COL21A1: variants seen among roughly 807,000 people sequenced by gnomAD.
COL21A1 encodes collagen type XXI alpha 1 chain.
A neutral mutation model predicts 137.9 loss-of-function variants in COL21A1; 149 were observed. The observed-to-expected ratio is 1.08, with a 90% CI of 0.95 to 1.24. The LOEUF (loss-of-function observed/expected upper bound fraction) is 1.24. Among genes scored for constraint, COL21A1 ranks in the 50% most tolerant of loss-of-function variants. The pLI, the probability that COL21A1 is intolerant of heterozygous loss-of-function variation, is 0.00. For synonymous variants in COL21A1, 456 were observed against 391.5 expected, an observed-to-expected ratio of 1.16 and a Z score of -1.95; for missense variants, 1,167 against 1,158.4, an observed-to-expected ratio of 1.01 and a Z score of -0.11.
At chr6:56,218,709 G>T (rs181634991) in intron 1 of COL21A1, among the ~76,000 whole-genome samples, 4 of 151,954 alleles carry the variant, frequency 2.6e-5, no homozygotes, top group Non-Finnish European at 5.9e-5. Context: ...TTTCTTATTC[G>T]AGTTGAAAAT....
intron 19 of COL21A1, 96 bp downstream of exon 19, chr6:56,075,383 C>T: frequency 1.2e-6 from 1 of 868,254 alleles, no homozygotes; most frequent in Non-Finnish European, 1.8e-6. Context: ...ATTGCTGTAT[C>T]CCCTACATTT....
intron 17 of COL21A1, among the ~76,000 whole-genome samples, chr6:56,080,917 G>A (rs975096357): frequency 1.1e-4 from 16 of 151,784 alleles, no homozygotes; most frequent in African/African-American, 3.4e-4. Context: ...AGAAGCCATA[G>A]GAAGCAGCTA....
At position 56,199,298 on chromosome 6, in the gene COL21A1, T is replaced by A. The variant is rs1390868361; in HGVS notation, c.-38-16642A>T. On this transcript the variant is annotated intron_variant, in intron 1 of 29. Transcript: ENST00000244728. ...TTCTCAAATATGGAATTCTGTTTTT[T>A]TTTTAATCAACCTTTTAATGGTACA... 2.6e-5 allele frequency among the ~76,000 whole-genome samples: 4 copies of A among 152,028 alleles called. No homozygotes were observed. The South Asian group carries it at 8.3e-4, about 32-fold the overall frequency.
At chr6:56,079,572 T>G (rs939130421) in intron 17 of COL21A1, among the ~76,000 whole-genome samples, 4 of 151,504 alleles carry the variant, frequency 2.6e-5, no homozygotes, top group Non-Finnish European at 4.4e-5. Context: ...TCCCCACAGT[T>G]TACTCCTTGG....
At chr6:56,096,454 A>T (rs1481838171) in intron 17 of COL21A1, among the ~76,000 whole-genome samples, 1 of 152,228 alleles carries the variant, frequency 6.6e-6, no homozygotes, top group Non-Finnish European at 1.5e-5. Flanking sequence ...TAATAAATCT[A>T]TCTGGTGTTA....
intron 1 of COL21A1, among the ~76,000 whole-genome samples, chr6:56,299,319 A>G (rs906190719): frequency 2.6e-5 from 4 of 152,150 alleles, no homozygotes; most frequent in Non-Finnish European, 5.9e-5. Flanking sequence ...GCCAAATTGG[A>G]TTTGAAAAAT....
intron 17 of COL21A1, chr6:56,091,569 G>A (rs569574249): frequency 1.3e-5 from 2 of 152,664 alleles, no homozygotes; most frequent in African/African-American, 4.8e-5. Context: ...GCTCACAGTA[G>A]AACCCAGTCC....
intron 1 of COL21A1, among the ~76,000 whole-genome samples, chr6:56,232,308 A>C (rs892567520): frequency 6.6e-6 from 1 of 151,944 alleles, no homozygotes; most frequent in Non-Finnish European, 1.5e-5. Flanking sequence ...CTTAGAAAAC[A>C]AGAACAATAT....
intron 17 of COL21A1, among the ~76,000 whole-genome samples, chr6:56,079,658 T>A (rs1324083756): frequency 6.6e-6 from 1 of 151,542 alleles, no homozygotes; most frequent in Non-Finnish European, 1.5e-5. Context: ...CCACAAATCT[T>A]ACATTATTTC....
At position 56,304,756 on chromosome 6, in the gene COL21A1, G is replaced by A. The variant is rs371449887; in HGVS notation, c.-39+89215C>T. 9.6e-4 allele frequency among the ~76,000 whole-genome samples: 146 copies of A among 151,998 alleles called. 5 individuals carry two copies. The highest frequency in any genetic ancestry group is 4.4e-4 in the Non-Finnish European group (30 of 67,960). On this transcript the variant is annotated intron_variant, in intron 1 of 28. Coordinates refer to the COL21A1 transcript ENST00000370819. Reference sequence around the variant, plus strand: ...CTTCAGTTCTGCTCTGATCTTAGTTGTTTCTTGCCTTCTGCTAGCTTTTGA... The same window carrying A: ...CTTCAGTTCTGCTCTGATCTTAGTTATTTCTTGCCTTCTGCTAGCTTTTGA...
chr6:56,354,639 T>C (rs1454609755), intron 1 of COL21A1, among the ~76,000 whole-genome samples: 1 of 152,156 alleles, frequency 6.6e-6, no homozygotes, highest in African/African-American at 2.4e-5. Context: ...CCCAGCACTT[T>C]GGAAGGCCAA....
chr6:56,085,014 G>A (rs1317193555), intron 17 of COL21A1, among the ~76,000 whole-genome samples: 1 of 152,038 alleles, frequency 6.6e-6, no homozygotes, highest in Non-Finnish European at 1.5e-5. Context: ...GAAAGATAAT[G>A]CTGTGTTTAA....
chr6:56,066,340 A>T (rs981164106), intron 23 of COL21A1, among the ~76,000 whole-genome samples: 1 of 152,076 alleles, frequency 6.6e-6, no homozygotes, highest in Non-Finnish European at 1.5e-5. Flanking sequence ...ATAATTGTGG[A>T]TATAGCAAGT....
At chr6:56,358,944 T>A (rs1765900583) in intron 1 of COL21A1, among the ~76,000 whole-genome samples, 1 of 152,098 alleles carries the variant, frequency 6.6e-6, no homozygotes, top group Non-Finnish European at 1.5e-5. Context: ...AAAAAAAAAA[T>A]TCCATTCAAC....
intron 12 of COL21A1, among the ~76,000 whole-genome samples, chr6:56,139,125 C>G (rs1365190928): frequency 6.6e-6 from 1 of 152,074 alleles, no homozygotes; most frequent in Non-Finnish European, 1.5e-5. Context: ...GTTTCAGATG[C>G]AGCACTTCAA....
intron 6 of COL21A1, among the ~76,000 whole-genome samples, chr6:56,167,888 TC>T (rs1480685194): frequency 1.3e-5 from 2 of 152,134 alleles, no homozygotes. Context: ...TAGAATTCTA[TC>T]CTGAACCCAG....
chr6:56,331,651 A>G (rs559493848), intron 1 of COL21A1: 1 of 152,134 alleles, frequency 6.6e-6, no homozygotes, highest in East Asian at 1.9e-4. Context: ...CTATTTTTAT[A>G]CCAGTACCCA....
chr6:56,163,933 G>A (rs548893773), intron 9 of COL21A1, among the ~76,000 whole-genome samples: 1 of 152,132 alleles, frequency 6.6e-6, no homozygotes, highest in African/African-American at 2.4e-5. Flanking sequence ...AAAAGTACAT[G>A]ATTAAGTGAA....
At chr6:56,123,941 T>G in intron 16 of COL21A1, 121 bp downstream of exon 16, 1 of 800,656 alleles carries the variant, frequency 1.2e-6, no homozygotes, top group Non-Finnish European at 1.9e-6. Flanking sequence ...ACCTTTTAGC[T>G]CATGAATTTT....
Sources: allele counts gnomAD v4.1 joint callset (sites outside exome capture counted in the v4.1 genomes callset), GRCh38; gene constraint gnomAD v4.1.1; transcripts MANE v1.5; gene names NCBI Gene and HGNC (gene_info 2026-07-23, HGNC 2026-07-21).